Variants in ITPR2 observed in about 807,000 individuals in gnomAD.
The protein encoded by ITPR2 is inositol 1,4,5-trisphosphate-gated calcium channel ITPR2.
Under a neutral mutation model 317.1 loss-of-function variants are expected in ITPR2, and 207 were observed. That is an observed-to-expected ratio of 0.65 (90% CI 0.58 to 0.73). The LOEUF is 0.73. Ranked by LOEUF, ITPR2 falls within the 30% of genes least tolerant of loss-of-function variation. The pLI is 0.00. For synonymous variants in ITPR2, 1,156 were observed against 1,149.1 expected, an observed-to-expected ratio of 1.01 and a Z score of -0.12; for missense variants, 2,613 against 3,284.0, an observed-to-expected ratio of 0.80 and a Z score of 4.99.
At chr12:26,775,979 T>C (rs1441940012) in intron 2 of ITPR2, among the ~76,000 whole-genome samples, 2 of 138,128 alleles carry the variant, frequency 1.4e-5, no homozygotes, top group Non-Finnish European at 3.3e-5. Context: ...TCTGTCTCTC[T>C]AAAGAACCCT....
At chr12:26,462,238 C>T (rs970380927) in intron 45 of ITPR2, among the ~76,000 whole-genome samples, 3 of 152,062 alleles carry the variant, frequency 2.0e-5, no homozygotes, top group Admixed American at 6.5e-5. Context: ...GCCATCTCGG[C>T]TCACTGCAAC....
At chr12:26,372,992 T>C (rs1187435296) in intron 55 of ITPR2, among the ~76,000 whole-genome samples, 1 of 152,172 alleles carries the variant, frequency 6.6e-6, no homozygotes, top group African/African-American at 2.4e-5. Flanking sequence ...TAATCAGTGT[T>C]GTCCTACTGA....
At chr12:26,635,568 A>C (rs1946847354) in intron 21 of ITPR2, among the ~76,000 whole-genome samples, 1 of 152,228 alleles carries the variant, frequency 6.6e-6, no homozygotes, top group African/African-American at 2.4e-5. Flanking sequence ...TTTTATCATA[A>C]TAGAGGCCAA....
chr12:26,601,323 A>G (rs183743986), intron 28 of ITPR2, among the ~76,000 whole-genome samples: 38 of 152,280 alleles, frequency 2.5e-4, no homozygotes, highest in African/African-American at 9.1e-4. Context: ...TATGGGGGCA[A>G]CACCCCAAAG....
intron 45 of ITPR2, among the ~76,000 whole-genome samples, chr12:26,450,010 A>T (rs554377241): frequency 6.6e-6 from 1 of 152,260 alleles, no homozygotes; most frequent in African/African-American, 2.4e-5. Flanking sequence ...AGAACAGGGA[A>T]ATACGGGCAC....
Position 26,821,105 on chromosome 12 carries a change from T to C in ITPR2, c.92+11585A>G, listed in dbSNP as rs142725181. ...GAATGTCCTTAATATCACTGAATTA[T>C]ATCTTTTTAAACGGTCAAAATGATA... is the stretch of plus-strand genomic sequence containing the variant. On this transcript the variant is annotated intron_variant, in intron 1 of 56. Coordinates refer to ENST00000381340, the MANE Select transcript of ITPR2 (RefSeq NM_002223.4). 2.8e-3 allele frequency among the ~76,000 whole-genome samples: 419 copies of C among 152,362 alleles called. 1 individual carries two copies. The highest frequency in any genetic ancestry group is 3.9e-3 in the Non-Finnish European group (263 of 68,032).
rs200610620 is a variant in ITPR2 at position 26,472,867 on chromosome 12, G to GTT, written c.6342+2427_6342+2428dup. Reference sequence around the variant, plus strand: ...TTTAAAAATTTGTATTCTGTACTCTGTTTTTTTTTGTTTTTTGTTTGTTTG... The same window carrying GTT: ...TTTAAAAATTTGTATTCTGTACTCTGTTTTTTTTTTTGTTTTTTGTTTGTTTG... On this transcript the variant is annotated intron_variant, in intron 45 of 56. Transcript: ENST00000381340. Among the ~76,000 whole-genome samples the GTT allele has an allele frequency of 3.3e-5, 5 of 150,212 alleles. No homozygotes were observed. In the East Asian group the frequency reaches 9.7e-4, roughly 29 times the overall value.
Position 26,655,911 on chromosome 12 carries a change from G to A in ITPR2, c.2445-59C>T. The A allele has an allele frequency of 1.3e-6, 2 of 1,490,422 alleles. 1 individual carries two copies. Among genetic ancestry groups the A allele is most frequent in the Non-Finnish European group, 1.8e-6 (2 of 1,089,616 alleles). 92.3% of individuals were successfully genotyped at this position (1,490,422 alleles called of 1,614,324 possible). ...ACTGATTGCAATCATTTAAAAATAGGAAAACACACGTAGTTTCCTGGGTGC... is the reference window on the plus strand; with the variant it reads ...ACTGATTGCAATCATTTAAAAATAGAAAAACACACGTAGTTTCCTGGGTGC... On this transcript the variant is annotated intron_variant, in intron 19 of 56. Transcript: ENST00000381340.
rs193239907 is a variant in ITPR2, at chr12:26,709,809, T to G, written c.951+1364A>C. ...ACCTTACTAATGATTTTTGCTTCAA[T>G]GAGTTGCTTTTCAAAAGGGTTACTT... is the stretch of plus-strand genomic sequence containing the variant. On this transcript the variant is annotated intron_variant, in intron 9 of 56. Transcript: ENST00000381340. Among the ~76,000 whole-genome samples, 262 of 152,356 alleles carry G rather than the reference T, an allele frequency of 1.7e-3. 2 individuals are homozygous for G. Among genetic ancestry groups the G allele is most frequent in the Middle Eastern group, 0.01 (3 of 294 alleles).
At chr12:26,643,552 G>C (rs1232314196) in intron 21 of ITPR2, among the ~76,000 whole-genome samples, 1 of 152,220 alleles carries the variant, frequency 6.6e-6, no homozygotes, top group African/African-American at 2.4e-5. Flanking sequence ...AGACTTCATA[G>C]AAGGTCACAA....
At chr12:26,676,178 T>C (rs1184898671) in intron 13 of ITPR2, among the ~76,000 whole-genome samples, 2 of 144,868 alleles carry the variant, frequency 1.4e-5, no homozygotes. Context: ...AAAAGAAATA[T>C]GTTGAGAGTA....
chr12:26,598,674 T>TA (rs143168125), intron 30 of ITPR2, among the ~76,000 whole-genome samples: 13,898 of 152,084 alleles, frequency 0.091, 685 homozygotes, highest in Middle Eastern at 0.15. Flanking sequence ...CCACATGTTG[T>TA]AAAAAAAATC....
intron 2 of ITPR2, among the ~76,000 whole-genome samples, chr12:26,744,480 A>G (rs1270313290): frequency 6.6e-6 from 1 of 152,116 alleles, no homozygotes; most frequent in East Asian, 1.9e-4. Context: ...AAACACAGCA[A>G]CCCTTCCCAA....
chr12:26,377,449 AG>A (rs1335087135), intron 55 of ITPR2, among the ~76,000 whole-genome samples: 3 of 152,240 alleles, frequency 2.0e-5, no homozygotes, highest in Admixed American at 6.5e-5. Flanking sequence ...TGCATTTTCA[AG>A]GCATTTTAGA....
chr12:26,709,425 A>G (rs1948608609), intron 9 of ITPR2, among the ~76,000 whole-genome samples: 1 of 152,226 alleles, frequency 6.6e-6, no homozygotes, highest in Non-Finnish European at 1.5e-5. Context: ...AGACAGGATG[A>G]AAGAGAGTCT....
At chr12:26,484,075 C>CTA (rs201033042) in intron 41 of ITPR2, among the ~76,000 whole-genome samples, 177 bp from the exon 42 acceptor site, 50 of 149,502 alleles carry the variant, frequency 3.3e-4, no homozygotes, top group African/African-American at 4.9e-4. Context: ...CCCCAAGCAT[C>CTA]TATATATATA....
rs1239317134 is a variant in ITPR2 at position 26,443,565 on chromosome 12, G to A, written c.6428C>T (p.Ala2143Val). ...DEGDEALKYY[A>V]NHTAQIEIVR... ...TACCTCAATCTGTGCAGTGTGGTTGGCATAATACTTTAAGGCTTCATCTCC... is the reference window on the plus strand; with the variant it reads ...TACCTCAATCTGTGCAGTGTGGTTGACATAATACTTTAAGGCTTCATCTCC... Residue 2143 changes from alanine (A) to valine (V), a missense_variant, in exon 46 of 57, where the codon GCC becomes GTC. Physicochemically the swap from Ala to Val is moderately conservative, Grantham distance 64. Around this residue, in one of 9 missense-constraint regions of ITPR2, gnomAD observed 926 missense variants for 1,072.8 expected, o/e 0.86. Coordinates refer to ENST00000381340, the MANE Select transcript of ITPR2 (RefSeq NM_002223.4). The A allele has an allele frequency of 8.1e-6, 13 of 1,611,848 alleles. No homozygotes were observed. The Admixed American group carries it at 1.7e-4, about 21-fold the overall frequency.
At chr12:26,816,098 A>T (rs1388679117) in intron 1 of ITPR2, among the ~76,000 whole-genome samples, 2 of 151,140 alleles carry the variant, frequency 1.3e-5, no homozygotes, top group Admixed American at 6.6e-5. Flanking sequence ...GTCTCAAAAA[A>T]AAAAAAAAAA....
chr12:26,708,345 C>G (rs1393564000), intron 9 of ITPR2, among the ~76,000 whole-genome samples: 1 of 152,114 alleles, frequency 6.6e-6, no homozygotes, highest in Non-Finnish European at 1.5e-5. Flanking sequence ...TGGAATCAAC[C>G]TAAGTATACA....
Sources: allele counts gnomAD v4.1 joint callset (sites outside exome capture counted in the v4.1 genomes callset), GRCh38; gene constraint gnomAD v4.1.1; regional missense constraint gnomAD v4.1.1; transcripts MANE v1.5; gene names NCBI Gene and HGNC (gene_info 2026-07-23, HGNC 2026-07-21).